KIF6: variants seen among roughly 807,000 people sequenced by gnomAD.
The protein encoded by KIF6 is kinesin-like protein KIF6.
Under a neutral mutation model 112.7 loss-of-function variants are expected in KIF6, and 106 were observed. The observed-to-expected ratio is 0.94, with a 90% CI of 0.80 to 1.11. The LOEUF (loss-of-function observed/expected upper bound fraction) is 1.11, where lower values mean the gene tolerates loss of function less well. Among genes scored for constraint, KIF6 ranks in the 50% least tolerant of loss-of-function variants. The pLI, the probability that KIF6 is intolerant of heterozygous loss-of-function variation, is 0.00. For synonymous variants in KIF6, 339 were observed against 339.9 expected (o/e 1.00, Z 0.03); for missense variants, 929 against 964.0 (o/e 0.96, Z 0.48).
At chr6:39,455,689 C>T (rs1419133111) in intron 13 of KIF6, among the ~76,000 whole-genome samples, 1 of 150,682 alleles carries the variant, frequency 6.6e-6, no homozygotes, top group Non-Finnish European at 1.5e-5. Flanking sequence ...GCTGATGGAG[C>T]TGAAAACCAA....
intron 13 of KIF6, among the ~76,000 whole-genome samples, chr6:39,455,321 A>G (rs1020810978): frequency 1.1e-4 from 16 of 151,700 alleles, no homozygotes; most frequent in African/African-American, 2.4e-4. Context: ...TGTCTGTTAG[A>G]AGGAAAACTA....
At chr6:39,384,788 T>G (rs942994672) in intron 16 of KIF6, among the ~76,000 whole-genome samples, 4 of 152,122 alleles carry the variant, frequency 2.6e-5, no homozygotes, top group African/African-American at 9.7e-5. Flanking sequence ...TCTTATTTAA[T>G]CAAAGTTCTC....
At chr6:39,396,018 T>TA (rs1362645777) in intron 15 of KIF6, among the ~76,000 whole-genome samples, 1 of 151,896 alleles carries the variant, frequency 6.6e-6, no homozygotes, top group Non-Finnish European at 1.5e-5. Context: ...AGTTAGTGCT[T>TA]AAAAAAAAGT....
rs370978090 is a variant in KIF6 at position 39,584,976 on chromosome 6, T to C, written c.999A>G (p.Ile333Met). 103 of 1,594,094 alleles carry C rather than the reference T, an allele frequency of 6.5e-5. No individual in the cohort carries two copies. The highest frequency in any genetic ancestry group is 8.4e-5 in the Non-Finnish European group (98 of 1,162,540). The change falls in exon 9 of 23, where the codon ATA (isoleucine) becomes ATG (methionine). Residue 333 changes from isoleucine (I) to methionine (M), a missense_variant. Physicochemically the swap from Ile to Met is conservative, Grantham distance 10. This residue lies in a region of KIF6 where 688 missense variants were observed against 662.7 expected (regional missense o/e 1.04). Transcript: ENST00000287152. The stretch of plus-strand genomic sequence containing the variant: ...CTCGCTGTGCAAATCTGCAGGTTGA[T>C]ATAGACTCCTAAGAAAGCAAAGTAA... ...SLEKRNLDES[I>M]STCRFAQRVA...
chr6:39,623,654 C>T (rs902513183), intron 5 of KIF6, among the ~76,000 whole-genome samples: 1 of 152,154 alleles, frequency 6.6e-6, no homozygotes, highest in African/African-American at 2.4e-5. Context: ...TCAGTCTTAT[C>T]TCTGTTTCAT....
intron 15 of KIF6, among the ~76,000 whole-genome samples, chr6:39,407,076 T>C (rs915030940): frequency 1.3e-5 from 2 of 151,964 alleles, no homozygotes; most frequent in East Asian, 3.8e-4. Context: ...TTGGATCATA[T>C]CCAGAACATG....
Position 39,447,686 on chromosome 6 carries a change from A to C in KIF6, c.1646-16525T>G, listed in dbSNP as rs559386478. Among the ~76,000 whole-genome samples, 313 of 152,020 alleles carry C rather than the reference A, an allele frequency of 2.1e-3. 1 individual carries two copies. The highest frequency in any genetic ancestry group is 5.9e-3 in the African/African-American group (243 of 41,454). ...ACTCTTTTAACAATATCCTTCCTTT[A>C]CCCCATTAACCTTCCAGCTATCTTT... On this transcript the variant is annotated intron_variant, in intron 13 of 22. Transcript: ENST00000287152.
intron 16 of KIF6, among the ~76,000 whole-genome samples, chr6:39,370,960 C>T (rs1425993713): frequency 6.6e-6 from 1 of 152,078 alleles, no homozygotes. Flanking sequence ...CCAACATGGG[C>T]TATAAGCACA....
rs1774400789 is a variant in KIF6 at position 39,475,891 on chromosome 6, CT to C, written c.1646-44731del. Among the ~76,000 whole-genome samples, 5 of 152,270 alleles carry C rather than the reference CT, an allele frequency of 3.3e-5. No individual in the cohort carries two copies. In the South Asian group the frequency reaches 1.0e-3, roughly 32 times the overall value. On this transcript the variant is annotated intron_variant, in intron 13 of 22. Coordinates refer to ENST00000287152, the MANE Select transcript of KIF6 (RefSeq NM_145027.6). ...CCATAAAAAGGAACAAGATCATGTC[CT>C]TTGCAGGGACATGGATGGAGCTGGA... is the stretch of plus-strand genomic sequence containing the variant.
intron 13 of KIF6, among the ~76,000 whole-genome samples, chr6:39,524,215 C>G (rs1367823591): frequency 6.6e-6 from 1 of 151,974 alleles, no homozygotes. Flanking sequence ...ACCTTCTGTT[C>G]CCTGACAGGG....
chr6:39,368,957 G>A (rs760058651), intron 16 of KIF6, among the ~76,000 whole-genome samples: 1 of 152,182 alleles, frequency 6.6e-6, no homozygotes, highest in African/African-American at 2.4e-5. Flanking sequence ...GGCATTCCAG[G>A]TGGTCGTCTT....
intron 12 of KIF6, among the ~76,000 whole-genome samples, chr6:39,542,731 C>T (rs1778855729): frequency 6.6e-6 from 1 of 152,140 alleles, no homozygotes; most frequent in Non-Finnish European, 1.5e-5. Context: ...GTCATAACTC[C>T]AATTACATCA....
In KIF6 at chr6:39,510,904, G is replaced by T. The variant is rs187871769; in HGVS notation, c.1645+29099C>A. Among the ~76,000 whole-genome samples, 557 of 146,490 alleles carry T rather than the reference G, an allele frequency of 3.8e-3. 1 individual carries two copies. Among genetic ancestry groups the T allele is most frequent in the African/African-American group, 0.013 (517 of 39,418 alleles). On this transcript the variant is annotated intron_variant, in intron 13 of 22. Coordinates refer to ENST00000287152, the MANE Select transcript of KIF6 (RefSeq NM_145027.6). The stretch of plus-strand genomic sequence containing the variant: ...AAAAAAAAAAAAAAAAAAAGCAAGG[G>T]TTGCAATCCTGGTCTCTGGTAAAAC...
intron 13 of KIF6, among the ~76,000 whole-genome samples, chr6:39,454,776 C>T (rs1299989127): frequency 3.3e-5 from 5 of 151,990 alleles, no homozygotes; most frequent in East Asian, 1.9e-4. Flanking sequence ...CCTGGAAAAT[C>T]GGGTCACTCC....
intron 3 of KIF6, among the ~76,000 whole-genome samples, chr6:39,710,320 GAAACAGCATGCTC>G (rs1226658450): frequency 7.9e-5 from 12 of 152,132 alleles, no homozygotes; most frequent in Admixed American, 7.9e-4. Flanking sequence ...ACAGTGAACA[GAAACAGCATGCTC>G]AAACAGACAA....
chr6:39,590,015 A>C (rs1450435828), intron 7 of KIF6, among the ~76,000 whole-genome samples: 2 of 152,226 alleles, frequency 1.3e-5, no homozygotes, highest in African/African-American at 4.8e-5. Context: ...GGAAGGCAGT[A>C]TGAAGGTCAT....
intron 13 of KIF6, chr6:39,431,366 C>T (rs1771146229): frequency 2.0e-6 from 1 of 511,330 alleles, no homozygotes. Context: ...CTGCACCCCT[C>T]AGGACTGTGC....
intron 15 of KIF6, among the ~76,000 whole-genome samples, chr6:39,390,797 C>T (rs9357304): frequency 0.036 from 5,503 of 152,138 alleles, 220 homozygotes; most frequent in East Asian, 0.21. Context: ...TTAGAGGCTC[C>T]GAACTCTGAG....
intron 13 of KIF6, among the ~76,000 whole-genome samples, chr6:39,522,405 T>G (rs1213526084): frequency 6.6e-6 from 1 of 152,312 alleles, no homozygotes; most frequent in East Asian, 1.9e-4. Context: ...ACAGTTTTCC[T>G]ACCCACCTAA....
Sources: gnomAD v4.1 joint callset for allele counts (sites outside exome capture counted in the v4.1 genomes callset) on GRCh38, gnomAD v4.1.1 for gene constraint, gnomAD v4.1.1 regional missense constraint, MANE v1.5 for transcripts, NCBI Gene and HGNC (gene_info 2026-07-23, HGNC 2026-07-21) for gene names.